Variants in ODAD2 observed in about 807,000 individuals in gnomAD.
ODAD2 encodes outer dynein arm docking complex subunit 2.
Under a neutral mutation model 106.8 loss-of-function variants are expected in ODAD2, and 89 were observed. The ratio of observed to expected loss-of-function variants is 0.83; its 90% CI spans 0.70 to 0.99. ODAD2 has a LOEUF of 0.99. Ranked by LOEUF, ODAD2 falls within the 50% of genes least tolerant of loss-of-function variation. The pLI, the probability that ODAD2 is intolerant of heterozygous loss-of-function variation, is 0.00. For missense variants in ODAD2, 1,168 were observed against 1,238.5 expected, an observed-to-expected ratio of 0.94 and a Z score of 0.85; for synonymous variants, 404 against 436.2, an observed-to-expected ratio of 0.93 and a Z score of 0.92.
chr10:27,865,075 C>T (rs186480110), intron 17 of ODAD2, among the ~76,000 whole-genome samples: 1 of 152,196 alleles, frequency 6.6e-6, no homozygotes, highest in African/African-American at 2.4e-5. Context: ...CAACCCCTGC[C>T]CTTAGGATAA....
At chr10:27,934,864 T>G in intron 16 of ODAD2, 146 bp downstream of exon 16, 1 of 1,099,526 alleles carries the variant, frequency 9.1e-7, no homozygotes, top group Non-Finnish European at 1.3e-6. Context: ...AACTCATGAT[T>G]TGGTAAACTT....
chr10:27,864,417 A>C (rs111238983), intron 17 of ODAD2, among the ~76,000 whole-genome samples: 2,068 of 149,376 alleles, frequency 0.014, 52 homozygotes, highest in African/African-American at 0.049. Flanking sequence ...TAGAAAAAAA[A>C]AACAGGCTGG....
chr10:27,958,952 A>G, intron 10 of ODAD2: 1 of 1,303,616 alleles, frequency 7.7e-7, no homozygotes, highest in Non-Finnish European at 1.0e-6. Context: ...TGTTTCTGCC[A>G]TTTTGACTTG....
chr10:27,921,311 GA>G (rs147550795), intron 16 of ODAD2, among the ~76,000 whole-genome samples: 4,745 of 141,154 alleles, frequency 0.034, 175 homozygotes, highest in East Asian at 0.18. Flanking sequence ...AAAAAAAAAA[GA>G]AAAAAAAAAG....
intron 7 of ODAD2, among the ~76,000 whole-genome samples, chr10:27,973,256 C>CATACATACATAT (rs1848979359): frequency 6.6e-6 from 1 of 152,062 alleles, no homozygotes; most frequent in African/African-American, 2.4e-5. Context: ...TACATACATA[C>CATACATACATAT]GCTGAGACAG....
intron 9 of ODAD2, among the ~76,000 whole-genome samples, chr10:27,962,708 C>T (rs1160540455): frequency 6.6e-6 from 1 of 152,148 alleles, no homozygotes; most frequent in Non-Finnish European, 1.5e-5. Flanking sequence ...CCAATATATG[C>T]CCTACGTCCC....
chr10:27,941,323 GAA>G lies in ODAD2; in HGVS notation c.1744-520_1744-519del, dbSNP rs10708986. Among the ~76,000 whole-genome samples the G allele has an allele frequency of 5.7e-3, 801 of 139,470 alleles. 8 individuals are homozygous for G. Among genetic ancestry groups the G allele is most frequent in the African/African-American group, 0.015 (575 of 37,722 alleles). The allele number at this position is 139,470 out of a possible 152,430, so 91.5% of individuals were successfully genotyped here. A position where few individuals can be genotyped will look rare whatever the true frequency, so the allele number is the denominator to read the frequency against. ...ACATAGCAAGATCCTGTTTCCACTG[GAA>G]AAAAAAAAAAAAAGCTGGATGTGGT... On this transcript the variant is annotated intron_variant, in intron 12 of 19. Coordinates refer to ENST00000305242, the MANE Select transcript of ODAD2 (RefSeq NM_018076.5).
intron 19 of ODAD2, among the ~76,000 whole-genome samples, chr10:27,858,717 T>C (rs1839830056): frequency 1.3e-5 from 2 of 152,146 alleles, no homozygotes; most frequent in South Asian, 2.1e-4. Context: ...GGATTATCTA[T>C]TGGCTTGCAT....
At chr10:27,837,373 A>G (rs1837975466) in intron 19 of ODAD2, among the ~76,000 whole-genome samples, 1 of 152,256 alleles carries the variant, frequency 6.6e-6, no homozygotes, top group Non-Finnish European at 1.5e-5. Flanking sequence ...GAATGAAAAT[A>G]TCAGGTTGAC....
At chr10:27,820,010 T>C (rs1438860254) in intron 19 of ODAD2, among the ~76,000 whole-genome samples, 1 of 152,204 alleles carries the variant, frequency 6.6e-6, no homozygotes, top group Non-Finnish European at 1.5e-5. Context: ...GTTCCATGAA[T>C]GCTACTCACG....
chr10:27,864,890 A>G (rs1840331880), intron 17 of ODAD2, among the ~76,000 whole-genome samples: 1 of 152,188 alleles, frequency 6.6e-6, no homozygotes, highest in Non-Finnish European at 1.5e-5. Flanking sequence ...GGAATCATGC[A>G]AAATGGGTAT....
At chr10:27,882,216 A>AGAAAGAAAGAAC (rs1841781221) in intron 17 of ODAD2, among the ~76,000 whole-genome samples, 1 of 151,732 alleles carries the variant, frequency 6.6e-6, no homozygotes, top group African/African-American at 2.4e-5. Flanking sequence ...AAAGAAAGAA[A>AGAAAGAAAGAAC]GAAAGAAAGA....
At chr10:27,913,209 G>A (rs1011324272) in intron 16 of ODAD2, among the ~76,000 whole-genome samples, 3 of 151,988 alleles carry the variant, frequency 2.0e-5, no homozygotes, top group African/African-American at 7.2e-5. Flanking sequence ...GGGGTTTGGT[G>A]TACAGATTAT....
At position 27,985,054 on chromosome 10, in the gene ODAD2, C is replaced by T. The variant is rs780633899; in HGVS notation, c.540G>A (p.Leu180=). ...KIAMLLKQLD[L]HLLNHSLKHI... ...GTTTTAGAGAATGATTGAGGAGGTGCAGATCCAATTGCTTAAGCAGCATAG... is the reference window on the plus strand; with the variant it reads ...GTTTTAGAGAATGATTGAGGAGGTGTAGATCCAATTGCTTAAGCAGCATAG... Residue 180 remains leucine, a synonymous_variant, in exon 4 of 20, where the codon CTG becomes CTA. Coordinates refer to ENST00000305242, the MANE Select transcript of ODAD2 (RefSeq NM_018076.5). 6.2e-7 allele frequency: 1 copy of T among 1,608,906 alleles called. No homozygotes were observed. The highest frequency in any genetic ancestry group is 1.7e-5 in the Admixed American group (1 of 59,668).
At chr10:27,820,777 CT>C (rs72095120) in intron 19 of ODAD2, among the ~76,000 whole-genome samples, 19,400 of 105,622 alleles carry the variant, frequency 0.18, 1,097 homozygotes, top group Middle Eastern at 0.27. Flanking sequence ...AGCCCAGCAA[CT>C]TTTTTTTTTT....
Position 27,961,675 on chromosome 10 carries a change from A to T in ODAD2, c.1279T>A (p.Ser427Thr), listed in dbSNP as rs1848151786. 6.2e-7 allele frequency: 1 copy of T among 1,606,924 alleles called. No individual in the cohort carries two copies. The highest frequency in any genetic ancestry group is 8.5e-7 in the Non-Finnish European group (1 of 1,175,052). The change falls in exon 10 of 20, where the codon TCC becomes ACC. Residue 427 changes from serine to threonine, a missense_variant. Around this residue, in one of 3 missense-constraint regions of ODAD2, gnomAD observed 37 missense variants for 74.1 expected, o/e 0.50. Transcript: ENST00000305242. ...TCTTCATCTTCCTCACTTTCTGAGGAGCTATCGCTAACAGTTTCCTCAATC... is the reference window on the plus strand; with the variant it reads ...TCTTCATCTTCCTCACTTTCTGAGGTGCTATCGCTAACAGTTTCCTCAATC... Reference protein sequence around the residue: ...EKIEETVSDSSSESEEDEEPP... With the variant: ...EKIEETVSDSTSESEEDEEPP...
intron 17 of ODAD2, among the ~76,000 whole-genome samples, chr10:27,885,574 ATAT>A (rs1490747698): frequency 1.1e-3 from 60 of 53,308 alleles, no homozygotes; most frequent in African/African-American, 3.6e-3. Flanking sequence ...ATATATATAT[ATAT>A]AAATATATAA....
chr10:27,971,092 G>C lies in ODAD2; in HGVS notation c.1142+16C>G. On this transcript the variant is annotated intron_variant, in intron 8 of 19. Transcript: ENST00000305242. ...ACTAATGCTGCATCTGAAAACAAAT[G>C]CAAATATCTACATACCCTTTGTAAT... 6.3e-7 allele frequency: 1 copy of C among 1,586,482 alleles called. No individual in the cohort carries two copies. Among genetic ancestry groups the C allele is most frequent in the African/African-American group, 1.3e-5 (1 of 74,412 alleles).
chr10:27,827,531 G>A (rs1837164753), intron 19 of ODAD2, among the ~76,000 whole-genome samples: 2 of 151,796 alleles, frequency 1.3e-5, no homozygotes, highest in Admixed American at 6.6e-5. Flanking sequence ...GTCCAAGTCA[G>A]ACATTTAGAC....
Sources: allele counts gnomAD v4.1 joint callset (sites outside exome capture counted in the v4.1 genomes callset), GRCh38; gene constraint gnomAD v4.1.1; regional missense constraint gnomAD v4.1.1; transcripts MANE v1.5; gene names NCBI Gene and HGNC (gene_info 2026-07-23, HGNC 2026-07-21).